The following PI4KA variants were observed in gnomAD, a reference collection of about 807,000 sequenced individuals.
The protein encoded by PI4KA is phosphatidylinositol 4-kinase alpha.
A neutral mutation model predicts 271.4 loss-of-function variants in PI4KA; 122 were observed. That is an observed-to-expected ratio of 0.45 (90% confidence interval 0.39 to 0.52). The LOEUF is 0.52. PI4KA is among the 20% of genes least tolerant of loss of function. PI4KA has a pLI of 0.00. For synonymous variants in PI4KA, 1,041 were observed against 1,078.8 expected, an observed-to-expected ratio of 0.96 and a Z score of 0.69; for missense variants, 1,969 against 2,769.1, an observed-to-expected ratio of 0.71 and a Z score of 6.48.
At chr22:20,780,381 T>C (rs984244486) in intron 19 of PI4KA, among the ~76,000 whole-genome samples, 5 of 152,212 alleles carry the variant, frequency 3.3e-5, no homozygotes, top group African/African-American at 1.2e-4. Context: ...ATCTGACACT[T>C]ACTGAGCCCT....
Position 20,786,093 on chromosome 22 carries a change from T to C in PI4KA, c.2328+7100A>G. 6 of 1,614,128 alleles carry C rather than the reference T, an allele frequency of 3.7e-6. No homozygotes were observed. Among genetic ancestry groups the C allele is most frequent in the East Asian group, 4.5e-5 (2 of 44,882 alleles). ...AAGTTGATGGGGATCAGGATGCTGTTTGACAAAAATGGCAACATGGCAGGC... is the reference window on the plus strand; with the variant it reads ...AAGTTGATGGGGATCAGGATGCTGTCTGACAAAAATGGCAACATGGCAGGC... On this transcript the variant is annotated intron_variant, in intron 19 of 54. Transcript: ENST00000255882.
At position 20,810,988 on chromosome 22, in the gene PI4KA, G is replaced by A. The variant is rs1225164914; in HGVS notation, c.1050C>T (p.Ala350=). The change falls in exon 9 of 55, where the codon GCC becomes GCT. Residue 350 remains alanine (A), a synonymous_variant. Transcript: ENST00000255882. ...VEEAVLKSLD[A]IVASVMEANP... ...ATACCTCCATCACACTGGCTACAAT[G>A]GCATCCAAAGATTTGAGAACAGCCT... is the stretch of plus-strand genomic sequence containing the variant. 6.2e-7 allele frequency: 1 copy of A among 1,613,472 alleles called. No individual in the cohort carries two copies. Among genetic ancestry groups the A allele is most frequent in the South Asian group, 1.1e-5 (1 of 91,066 alleles).
intron 32 of PI4KA, among the ~76,000 whole-genome samples, chr22:20,740,112 G>T (rs1929245840): frequency 6.7e-6 from 1 of 148,912 alleles, no homozygotes; most frequent in African/African-American, 2.5e-5. Context: ...CCTAGATCTG[G>T]AATTGTTTCT....
At position 20,751,192 on chromosome 22, in the gene PI4KA, C is replaced by T. The variant is rs904186405; in HGVS notation, c.3153+101G>A. The T allele has an allele frequency of 4.4e-6, 4 of 915,384 alleles. No homozygotes were observed. The African/African-American group carries it at 4.9e-5, about 11-fold the overall frequency. 56.7% of individuals were successfully genotyped at this position (915,384 alleles called of 1,614,324 possible). Reference sequence around the variant, plus strand: ...CCAGCACCACCCACACCTCAAATTGCTGGGGACTGGGTGAGCTCATGCAGG... The same window carrying T: ...CCAGCACCACCCACACCTCAAATTGTTGGGGACTGGGTGAGCTCATGCAGG... On this transcript the variant is annotated intron_variant, in intron 27 of 54. Transcript: ENST00000255882.
chr22:20,729,560 C>A (rs1927763164), intron 38 of PI4KA, 54 bp from the exon 39 acceptor site: 12 of 1,551,130 alleles, frequency 7.7e-6, no homozygotes, highest in Non-Finnish European at 9.6e-6. Context: ...AGTGCCCACA[C>A]ACTGCCCCGG....
chr22:20,796,151 G>A lies in PI4KA; in HGVS notation c.2272C>T (p.Leu758=). ...SERASEKGPA[L]KASSSAGNLG... is the part of the protein sequence containing the mutation. ...ATAGCCATCCTCCTTCCTACCTTTA[G>A]GGCAGGGCCCTTCTCGCTTGCCCTC... The change falls in exon 18 of 55, where the codon CTA becomes TTA. Residue 758 remains leucine (L), a synonymous_variant. Coordinates refer to ENST00000255882, the MANE Select transcript of PI4KA (RefSeq NM_058004.4). 1 of 1,613,010 alleles carries A rather than the reference G, an allele frequency of 6.2e-7. No homozygotes were observed. The highest frequency in any genetic ancestry group is 8.5e-7 in the Non-Finnish European group (1 of 1,179,140).
chr22:20,829,492 T>C (rs1378603989), intron 3 of PI4KA, among the ~76,000 whole-genome samples: 1 of 152,108 alleles, frequency 6.6e-6, no homozygotes, highest in African/African-American at 2.4e-5. Flanking sequence ...ATTATTTCTG[T>C]GGAGTCACTG....
At chr22:20,836,517 AT>A (rs1924890416) in intron 2 of PI4KA, among the ~76,000 whole-genome samples, 1 of 152,186 alleles carries the variant, frequency 6.6e-6, no homozygotes, top group African/African-American at 2.4e-5. Context: ...GCTCTTTCCT[AT>A]ATAAACTGTG....
In PI4KA at chr22:20,729,416, T is replaced by A. The variant is rs1472614381; in HGVS notation, c.4579A>T (p.Asn1527Tyr). Residue 1527 changes from asparagine (N) to tyrosine (Y), a missense_variant, in exon 39 of 55, where the codon AAC (asparagine) becomes TAC (tyrosine). Asn to Tyr is a moderately radical substitution (Grantham distance 143). Around this residue, in one of 13 missense-constraint regions of PI4KA, gnomAD observed 388 missense variants for 521.5 expected, o/e 0.74. Transcript: ENST00000255882. The stretch of plus-strand genomic sequence containing the variant: ...AGGCTGATGTACTTAGATCTCCAGT[T>A]GGCCACGCTGTTCTCTCCGGCCTGG... ...LDQAGENSVA[N>Y]WRSKYISLSE... is the part of the protein sequence containing the mutation. 6.2e-7 allele frequency: 1 copy of A among 1,613,816 alleles called. No homozygotes were observed.
intron 31 of PI4KA, 125 bp downstream of exon 31, chr22:20,742,483 A>C: frequency 6.5e-7 from 1 of 1,543,968 alleles, no homozygotes; most frequent in Non-Finnish European, 8.8e-7. Flanking sequence ...CACTCATGAG[A>C]GATACTCCTC....
intron 8 of PI4KA, among the ~76,000 whole-genome samples, chr22:20,811,620 A>AG (rs1175794814): frequency 6.6e-6 from 1 of 151,984 alleles, no homozygotes; most frequent in Non-Finnish European, 1.5e-5. Context: ...AAAAAAAAAA[A>AG]AAACTGCCCA....
intron 3 of PI4KA, among the ~76,000 whole-genome samples, chr22:20,829,674 A>C (rs180789866): frequency 6.7e-6 from 1 of 150,224 alleles, no homozygotes; most frequent in Non-Finnish European, 1.5e-5. Flanking sequence ...CTTTGGTTTT[A>C]GTTATTTCTT....
At chr22:20,733,688 G>A in intron 35 of PI4KA, 48 bp downstream of exon 35, 2 of 1,613,752 alleles carry the variant, frequency 1.2e-6, no homozygotes, top group Non-Finnish European at 1.7e-6. Context: ...AGCACTTGGA[G>A]GGGCTGCGCC....
At chr22:20,858,222 G>C (rs1297709041) in intron 1 of PI4KA, among the ~76,000 whole-genome samples, 1 of 152,150 alleles carries the variant, frequency 6.6e-6, no homozygotes, top group Non-Finnish European at 1.5e-5. Flanking sequence ...CTGGTCCTCG[G>C]CTCATCCCAC....
intron 50 of PI4KA, 28 bp downstream of exon 50, chr22:20,712,458 T>C: frequency 6.2e-7 from 1 of 1,606,122 alleles, no homozygotes; most frequent in Non-Finnish European, 8.5e-7. Flanking sequence ...ACACACGACC[T>C]CCCCCGGCCT....
chr22:20,763,391 T>C (rs985867141), intron 22 of PI4KA, among the ~76,000 whole-genome samples: 2 of 151,614 alleles, frequency 1.3e-5, no homozygotes, highest in Admixed American at 1.3e-4. Context: ...ATGACAGGAG[T>C]GAGCCACTGC....
intron 1 of PI4KA, among the ~76,000 whole-genome samples, chr22:20,854,793 C>T (rs1282477756): frequency 1.3e-5 from 2 of 152,290 alleles, no homozygotes; most frequent in South Asian, 2.1e-4. Context: ...AAATACTCAT[C>T]TCCCCCTATA....
At chr22:20,811,623 A>AAAAAAAAC (rs361977) in intron 8 of PI4KA, among the ~76,000 whole-genome samples, 1 of 151,656 alleles carries the variant, frequency 6.6e-6, no homozygotes. Flanking sequence ...AAAAAAAAAA[A>AAAAAAAAC]CTGCCCACAT....
chr22:20,739,844 C>G (rs1350337412), intron 32 of PI4KA, among the ~76,000 whole-genome samples: 2 of 152,070 alleles, frequency 1.3e-5, no homozygotes, highest in African/African-American at 4.8e-5. Flanking sequence ...AGGTGCATCA[C>G]CTGCGGTCAG....
Sources: gnomAD v4.1 joint callset for allele counts (sites outside exome capture counted in the v4.1 genomes callset) on GRCh38, gnomAD v4.1.1 for gene constraint, gnomAD v4.1.1 regional missense constraint, MANE v1.5 for transcripts, NCBI Gene and HGNC (gene_info 2026-07-23, HGNC 2026-07-21) for gene names.